The following MAGI2 variants were observed in gnomAD, a reference collection of about 807,000 sequenced individuals.
MAGI2 encodes the protein membrane-associated guanylate kinase, WW and PDZ domain-containing protein 2.
A neutral mutation model predicts 133.3 loss-of-function variants in MAGI2; 35 were observed. The ratio of observed to expected loss-of-function variants is 0.26; its 90% CI spans 0.20 to 0.35. The LOEUF is 0.35. MAGI2 is among the 10% of genes least tolerant of loss of function. The probability of loss-of-function intolerance (pLI) is 1.00; values close to 1 mark genes in which losing one functional copy is unlikely to be tolerated. For missense variants in MAGI2, 1,636 were observed against 1,863.4 expected (o/e 0.88, Z 2.25); for synonymous variants, 729 against 710.6 (o/e 1.03, Z -0.41).
chr7:78,409,465 G>C (rs1354159522), intron 6 of MAGI2, among the ~76,000 whole-genome samples: 2 of 151,938 alleles, frequency 1.3e-5, no homozygotes, highest in Admixed American at 6.6e-5. Flanking sequence ...TACTTCAGGG[G>C]CATCACAAAA....
chr7:78,484,051 C>T (rs1206222933), intron 6 of MAGI2: 1 of 151,652 alleles, frequency 6.6e-6, no homozygotes, highest in Non-Finnish European at 1.5e-5. Flanking sequence ...CACTAATTAT[C>T]AAAACAAATT....
At chr7:79,128,504 A>G (rs913674781) in intron 1 of MAGI2, among the ~76,000 whole-genome samples, 15 of 152,164 alleles carry the variant, frequency 9.9e-5, no homozygotes, top group African/African-American at 3.4e-4. Context: ...TTTCTTTTAT[A>G]TTAACTAACT....
intron 6 of MAGI2, among the ~76,000 whole-genome samples, chr7:78,425,299 G>A (rs1258048327): frequency 2.0e-5 from 3 of 152,082 alleles, no homozygotes; most frequent in African/African-American, 4.8e-5. Flanking sequence ...GCCTTCCACC[G>A]TGATTGTGAG....
chr7:78,077,067 T>G (rs1287638282), intron 21 of MAGI2, among the ~76,000 whole-genome samples: 1 of 152,082 alleles, frequency 6.6e-6, no homozygotes, highest in African/African-American at 2.4e-5. Context: ...TGGTGGATGC[T>G]GAGAAAGCGG....
chr7:78,633,728 TGA>T (rs1809321787), intron 2 of MAGI2, among the ~76,000 whole-genome samples: 1 of 129,054 alleles, frequency 7.7e-6, no homozygotes, highest in Non-Finnish European at 1.7e-5. Context: ...AAAAAAAAAG[TGA>T]GAGAATGCTG....
At chr7:78,819,414 G>A (rs1290295252) in intron 2 of MAGI2, among the ~76,000 whole-genome samples, 3 of 151,936 alleles carry the variant, frequency 2.0e-5, no homozygotes. Flanking sequence ...TAAGGGCATG[G>A]AATTTATATC....
intron 1 of MAGI2, among the ~76,000 whole-genome samples, chr7:79,097,946 A>AC (rs1474185514): frequency 2.0e-5 from 3 of 152,066 alleles, no homozygotes; most frequent in East Asian, 3.9e-4. Context: ...ACATTGTGAA[A>AC]CCCCATCTCT....
intron 2 of MAGI2, among the ~76,000 whole-genome samples, chr7:78,947,240 CTGTT>C (rs1454149607): frequency 1.3e-5 from 2 of 152,080 alleles, no homozygotes; most frequent in African/African-American, 4.8e-5. Flanking sequence ...GGTAAAAACT[CTGTT>C]TGGTAACTCC....
At chr7:78,735,269 T>C (rs1016727348) in intron 2 of MAGI2, among the ~76,000 whole-genome samples, 1 of 152,144 alleles carries the variant, frequency 6.6e-6, no homozygotes, top group Non-Finnish European at 1.5e-5. Flanking sequence ...GAAAGACAAG[T>C]CACTGCATTA....
At chr7:78,124,872 T>C (rs951438803) in intron 20 of MAGI2, among the ~76,000 whole-genome samples, 24 of 151,754 alleles carry the variant, frequency 1.6e-4, no homozygotes, top group Non-Finnish European at 3.2e-4. Context: ...TTTTTTTTTT[T>C]TTTTTCTTGA....
chr7:78,501,840 A>C (rs899587003), intron 4 of MAGI2, 53 bp from the exon 5 acceptor site: 2 of 1,342,446 alleles, frequency 1.5e-6, no homozygotes, highest in Non-Finnish European at 2.1e-6. Context: ...GTAACTCTGG[A>C]CTGAGTATGG....
intron 1 of MAGI2, among the ~76,000 whole-genome samples, chr7:79,167,998 C>T (rs1825114648): frequency 6.6e-6 from 1 of 152,148 alleles, no homozygotes; most frequent in Admixed American, 6.6e-5. Context: ...GCCTTAAGGG[C>T]ATGTTCCTGC....
At chr7:78,641,498 G>T (rs573677461) in intron 2 of MAGI2, among the ~76,000 whole-genome samples, 3 of 152,146 alleles carry the variant, frequency 2.0e-5, no homozygotes, top group Non-Finnish European at 2.9e-5. Flanking sequence ...GATTTAACCC[G>T]TAAGAAGTCG....
chr7:78,356,809 C>T (rs1379308534), intron 7 of MAGI2, among the ~76,000 whole-genome samples: 1 of 152,180 alleles, frequency 6.6e-6, no homozygotes, highest in Non-Finnish European at 1.5e-5. Flanking sequence ...TGCCACTTGA[C>T]TCTTGGTATC....
chr7:79,409,446 CTTAACA>C (rs997279613), intron 1 of MAGI2, among the ~76,000 whole-genome samples: 3 of 151,046 alleles, frequency 2.0e-5, no homozygotes, highest in African/African-American at 7.3e-5. Flanking sequence ...CCTTTTTTGA[CTTAACA>C]TTTTTCTTTC....
chr7:79,124,235 T>C (rs1820188690), intron 1 of MAGI2, among the ~76,000 whole-genome samples: 1 of 152,182 alleles, frequency 6.6e-6, no homozygotes, highest in Non-Finnish European at 1.5e-5. Context: ...ACACCATTGT[T>C]TAGTGTTTTT....
At chr7:78,448,225 C>T (rs1446087073) in intron 6 of MAGI2, among the ~76,000 whole-genome samples, 1 of 152,030 alleles carries the variant, frequency 6.6e-6, no homozygotes, top group East Asian at 1.9e-4. Flanking sequence ...GTGAAGAGTG[C>T]TGCAGCGAAC....
chr7:78,674,950 A>C (rs1157881803), intron 2 of MAGI2, among the ~76,000 whole-genome samples: 1 of 152,190 alleles, frequency 6.6e-6, no homozygotes, highest in South Asian at 2.1e-4. Flanking sequence ...AACATGTTCA[A>C]AATTTGAATA....
chr7:78,643,434 G>T (rs954838394), intron 2 of MAGI2, among the ~76,000 whole-genome samples: 21 of 152,206 alleles, frequency 1.4e-4, no homozygotes, highest in Non-Finnish European at 2.6e-4. Context: ...AGTTTGCCAG[G>T]TCATGTGCCC....
Sources: allele counts gnomAD v4.1 joint callset (sites outside exome capture counted in the v4.1 genomes callset), GRCh38; gene constraint gnomAD v4.1.1; transcripts MANE v1.5; gene names NCBI Gene and HGNC (gene_info 2026-07-23, HGNC 2026-07-21).